Variants in STAU1 observed in about 807,000 individuals in gnomAD.
The protein encoded by STAU1 is staufen double-stranded RNA binding protein 1.
A neutral mutation model predicts 62.9 loss-of-function variants in STAU1; 13 were observed. That is an observed-to-expected ratio of 0.21 (90% CI 0.13 to 0.33). The LOEUF (loss-of-function observed/expected upper bound fraction) is 0.33, where lower values mean the gene tolerates loss of function less well. STAU1 is among the 10% of genes least tolerant of loss of function. The probability of loss-of-function intolerance (pLI) is 1.00; values close to 1 mark genes in which losing one functional copy is unlikely to be tolerated. For missense variants in STAU1, 571 were observed against 712.1 expected, an observed-to-expected ratio of 0.80 and a Z score of 2.25; for synonymous variants, 269 against 265.1, an observed-to-expected ratio of 1.01 and a Z score of -0.14.
At chr20:49,201,328 GA>G in the STAU1 span, among the ~76,000 whole-genome samples, 9 of 151,798 alleles carry the variant, frequency 5.9e-5, no homozygotes, top group Non-Finnish European at 7.4e-5. Context: ...GAGGAAGGGA[GA>G]AAAAAAAGTC....
chr20:49,131,450 A>T (rs2145975978), intron 6 of STAU1, among the ~76,000 whole-genome samples: 1 of 152,352 alleles, frequency 6.6e-6, no homozygotes, highest in South Asian at 2.1e-4. Context: ...TAAGAGATAC[A>T]TGCTGAAATA....
chr20:49,193,400 C>T, the STAU1 span, among the ~76,000 whole-genome samples: 13 of 151,950 alleles, frequency 8.6e-5, no homozygotes, highest in African/African-American at 1.2e-4. Context: ...AAGGCCGGGC[C>T]GGTAGCTCAC....
At chr20:49,191,792 T>C (rs1400491631), upstream of STAU1, among the ~76,000 whole-genome samples, 1 of 152,200 alleles carries the variant, frequency 6.6e-6, no homozygotes, top group Non-Finnish European at 1.5e-5. Flanking sequence ...GGCTTACACC[T>C]GTAATCCCAG....
intron 8 of STAU1, 25 bp from the exon 9 acceptor site, chr20:49,120,153 A>G (rs752432044): frequency 1.2e-6 from 2 of 1,602,672 alleles, no homozygotes; most frequent in African/African-American, 2.7e-5. Context: ...CAAAACACAG[A>G]CCAGTGCTTA....
intron 6 of STAU1, 69 bp from the exon 7 acceptor site, chr20:49,124,656 G>C: frequency 6.6e-7 from 1 of 1,524,370 alleles, no homozygotes; most frequent in Middle Eastern, 1.8e-4. Flanking sequence ...CACACTGGCT[G>C]GCACACTTCA....
intron 1 of STAU1, among the ~76,000 whole-genome samples, chr20:49,180,299 C>A (rs1600882967): frequency 6.7e-6 from 1 of 148,892 alleles, no homozygotes. Context: ...TTTTTTTTAG[C>A]AACAACCTGG....
At chr20:49,218,177 C>T in the STAU1 span, among the ~76,000 whole-genome samples, 83 of 150,734 alleles carry the variant, frequency 5.5e-4, no homozygotes, top group African/African-American at 1.8e-3. Flanking sequence ...GCCCAGCTAG[C>T]AATATATATT....
chr20:49,169,704 TTG>T (rs1283020828), intron 2 of STAU1, among the ~76,000 whole-genome samples: 1 of 152,180 alleles, frequency 6.6e-6, no homozygotes, highest in Non-Finnish European at 1.5e-5. Context: ...TTACTGTGAA[TTG>T]TGTTGTGCTG....
chr20:49,159,186 G>C, intron 3 of STAU1: 1 of 1,065,288 alleles, frequency 9.4e-7, no homozygotes, highest in African/African-American at 1.7e-5. Flanking sequence ...CTCGTGAACC[G>C]TCTTGCCTTT....
At chr20:49,202,228 A>AAAAAAGAAAG in the STAU1 span, among the ~76,000 whole-genome samples, 52 of 143,668 alleles carry the variant, frequency 3.6e-4, 1 homozygote, top group Non-Finnish European at 1.5e-5. Context: ...TCAAAAAAAA[A>AAAAAAGAAAG]AAAAAGAAAG....
At position 49,161,062 on chromosome 20, in the gene STAU1, T is replaced by C. The variant is rs148969246; in HGVS notation, c.205+4935A>G. ...GGCCAGGCGGGGTGGCTAACACCTG[T>C]AATCCCAGCATTTTGGGAGGCCAAG... On this transcript the variant is annotated intron_variant, in intron 3 of 13. Coordinates refer to ENST00000371856, the MANE Select transcript of STAU1 (RefSeq NM_017453.4). Among the ~76,000 whole-genome samples the C allele has an allele frequency of 5.1e-4, 77 of 152,058 alleles. 1 individual carries two copies. The East Asian group carries it at 0.014, about 28-fold the overall frequency.
chr20:49,155,118 AGAG>A (rs1236588276), intron 3 of STAU1, among the ~76,000 whole-genome samples: 1 of 152,030 alleles, frequency 6.6e-6, no homozygotes, highest in Non-Finnish European at 1.5e-5. Context: ...TTCCTGCCCC[AGAG>A]GAGTTCAAAA....
At chr20:49,193,750 C>T in the STAU1 span, among the ~76,000 whole-genome samples, 8 of 152,112 alleles carry the variant, frequency 5.3e-5, no homozygotes, top group Non-Finnish European at 1.2e-4. Context: ...AGGCGGATCA[C>T]GAGGTCAGGA....
rs1359766177 is a variant in STAU1 at position 49,151,721 on chromosome 20, G to C, written c.371C>G (p.Pro124Arg). 8.7e-6 allele frequency: 14 copies of C among 1,609,534 alleles called. No homozygotes were observed. The highest frequency in any genetic ancestry group is 1.2e-5 in the Non-Finnish European group (14 of 1,178,694). ...AGAAAGTTCCACTTGATAAAGTAAA[G>C]GTGGAACTGGAAATGGGTAAAAGTA... ...PRYFYPFPVP[P>R]LLYQVELSVG... Residue 124 changes from proline to arginine, a missense_variant, in exon 5 of 14, where the codon CCT (proline) becomes CGT (arginine). Physicochemically the swap from Pro to Arg is moderately radical, Grantham distance 103. Transcript: ENST00000371856.
Position 49,127,680 on chromosome 20 carries a change from C to T in STAU1, c.610-3093G>A, listed in dbSNP as rs377412175. 1.3e-3 allele frequency among the ~76,000 whole-genome samples: 197 copies of T among 148,866 alleles called. 2 individuals are homozygous for T. In the South Asian group the frequency reaches 0.026, roughly 20 times the overall value. On this transcript the variant is annotated intron_variant, in intron 6 of 13. Transcript: ENST00000371856. ...GAGATCGCGCCATTGCATTCCAGCCCGGATGACAGAGCAAGACTTTGTCTA... is the reference window on the plus strand; with the variant it reads ...GAGATCGCGCCATTGCATTCCAGCCTGGATGACAGAGCAAGACTTTGTCTA...
chr20:49,147,598 C>T (rs1001551334), intron 5 of STAU1, among the ~76,000 whole-genome samples: 1 of 152,234 alleles, frequency 6.6e-6, no homozygotes, highest in African/African-American at 2.4e-5. Flanking sequence ...TGCATACCCG[C>T]TGGTTCAGCA....
intron 12 of STAU1, 21 bp from the exon 13 acceptor site, chr20:49,115,888 G>C (rs1555831267): frequency 6.2e-7 from 1 of 1,611,194 alleles, no homozygotes; most frequent in Non-Finnish European, 8.5e-7. Flanking sequence ...TGGAAAGAAG[G>C]GTAAAGCCAC....
At position 49,116,238 on chromosome 20, in the gene STAU1, G is replaced by A. The variant is rs181008227; in HGVS notation, c.1633-371C>T. On this transcript the variant is annotated intron_variant, in intron 12 of 13. Transcript: ENST00000371856. The stretch of plus-strand genomic sequence containing the variant: ...TGGTCTCAAACTCCTAGGCTCAAGC[G>A]ATCCTTCCACCTTGGCCTCCCAAAG... Among the ~76,000 whole-genome samples the A allele has an allele frequency of 3.6e-3, 544 of 152,082 alleles. 3 individuals carry two copies. Among genetic ancestry groups the A allele is most frequent in the African/African-American group, 0.013 (526 of 41,504 alleles).
rs369445297 is a variant in STAU1, at chr20:49,132,678, G to C, written c.609+3155C>G. Among the ~76,000 whole-genome samples the C allele has an allele frequency of 9.8e-5, 15 of 152,286 alleles. 1 individual carries two copies. The highest frequency in any genetic ancestry group is 8.3e-4 in the South Asian group (4 of 4,826). On this transcript the variant is annotated intron_variant, in intron 6 of 13. Coordinates refer to ENST00000371856, the MANE Select transcript of STAU1 (RefSeq NM_017453.4). The stretch of plus-strand genomic sequence containing the variant: ...GGGGGCTGAGGCAGGAGAATTGCTT[G>C]AAGCCAGGAGGTGGAGGTTGCCATA...
Sources: allele counts gnomAD v4.1 joint callset (sites outside exome capture counted in the v4.1 genomes callset), GRCh38; gene constraint gnomAD v4.1.1; transcripts MANE v1.5; gene names NCBI Gene and HGNC (gene_info 2026-07-23, HGNC 2026-07-21).